Variants in GHR observed in about 807,000 individuals in gnomAD.
The protein encoded by GHR is growth hormone receptor.
A neutral mutation model predicts 67.1 loss-of-function variants in GHR; 35 were observed. The ratio of observed to expected loss-of-function variants is 0.52; its 90% CI spans 0.40 to 0.69. The LOEUF (loss-of-function observed/expected upper bound fraction) is 0.69, where lower values mean the gene tolerates loss of function less well. Among genes scored for constraint, GHR ranks in the 30% least tolerant of loss-of-function variants. The pLI, the probability that GHR is intolerant of heterozygous loss-of-function variation, is 0.00. For missense variants in GHR, 792 were observed against 764.6 expected (o/e 1.04, Z -0.42); for synonymous variants, 272 against 269.1 (o/e 1.01, Z -0.10).
At chr5:42,626,152 A>G (rs1753691259) in intron 2 of GHR, among the ~76,000 whole-genome samples, 1 of 152,180 alleles carries the variant, frequency 6.6e-6, no homozygotes, top group South Asian at 2.1e-4. Flanking sequence ...TCAGTGGGAC[A>G]CCAACTGGGT....
chr5:42,663,480 C>A (rs528973127), intron 3 of GHR, among the ~76,000 whole-genome samples: 2 of 152,238 alleles, frequency 1.3e-5, no homozygotes, highest in Admixed American at 6.5e-5. Context: ...ATAAACAGAA[C>A]CAAAGACAAA....
At position 42,720,418 on chromosome 5, in the gene GHR, G is replaced by A. The variant is rs1758963057; in HGVS notation, c.*994G>A. 1 of 152,176 alleles carries A rather than the reference G, an allele frequency of 6.6e-6. No homozygotes were observed. Among genetic ancestry groups the A allele is most frequent in the East Asian group, 1.9e-4 (1 of 5,188 alleles). The allele number at this position is 152,176 out of a possible 1,614,324, so 9.4% of individuals were successfully genotyped here. A position where few individuals can be genotyped will look rare whatever the true frequency, so the allele number is the denominator to read the frequency against. On this transcript the variant is annotated 3_prime_UTR_variant, in exon 10 of 10. Coordinates refer to ENST00000230882, the MANE Select transcript of GHR (RefSeq NM_000163.5). ...AGATACTTAAGTGCTGCAATTGCAC[G>A]CGGAGTGAGTTTTTTAGTGCGTGCA...
At chr5:42,490,305 A>T (rs1195533393) in intron 1 of GHR, among the ~76,000 whole-genome samples, 1 of 152,206 alleles carries the variant, frequency 6.6e-6, no homozygotes, top group African/African-American at 2.4e-5. Flanking sequence ...GCATAGAGAG[A>T]TTGCACTAAT....
chr5:42,625,079 C>T (rs1323315982), intron 2 of GHR, among the ~76,000 whole-genome samples: 1 of 152,004 alleles, frequency 6.6e-6, no homozygotes, highest in Non-Finnish European at 1.5e-5. Context: ...AAAAGAAACA[C>T]TTTCACAGCT....
intron 1 of GHR, among the ~76,000 whole-genome samples, chr5:42,469,145 G>A (rs1744884687): frequency 6.6e-6 from 1 of 152,214 alleles, no homozygotes; most frequent in African/African-American, 2.4e-5. Flanking sequence ...GGAAACTTGA[G>A]ACAAGACCCT....
intron 3 of GHR, among the ~76,000 whole-genome samples, chr5:42,631,902 C>T: frequency 6.6e-6 from 1 of 151,942 alleles, no homozygotes; most frequent in East Asian, 1.9e-4. Flanking sequence ...TCCAAGAAGC[C>T]CAAACATTGT....
intron 2 of GHR, among the ~76,000 whole-genome samples, chr5:42,612,344 A>C (rs573953998): frequency 6.6e-6 from 1 of 152,318 alleles, no homozygotes; most frequent in African/African-American, 2.4e-5. Flanking sequence ...AGGATGTTAT[A>C]AGTTTAGCAT....
At chr5:42,451,394 CTT>C (rs558843340) in intron 1 of GHR, among the ~76,000 whole-genome samples, 1 of 146,488 alleles carries the variant, frequency 6.8e-6, no homozygotes, top group African/African-American at 2.5e-5. Flanking sequence ...CCCTCTTTGT[CTT>C]TTTTTTTTTC....
intron 1 of GHR, among the ~76,000 whole-genome samples, chr5:42,478,199 T>C (rs561535906): frequency 6.6e-6 from 1 of 152,330 alleles, no homozygotes; most frequent in South Asian, 2.1e-4. Flanking sequence ...GTTGTAGATA[T>C]GCGGCATTAT....
At chr5:42,653,056 G>A (rs1386227276) in intron 3 of GHR, among the ~76,000 whole-genome samples, 1 of 152,108 alleles carries the variant, frequency 6.6e-6, no homozygotes, top group Non-Finnish European at 1.5e-5. Context: ...CTGTGGTTAG[G>A]AGAATTGAGC....
intron 3 of GHR, among the ~76,000 whole-genome samples, chr5:42,645,558 C>A (rs1754688110): frequency 6.6e-6 from 1 of 152,164 alleles, no homozygotes; most frequent in Admixed American, 6.5e-5. Flanking sequence ...TTTGTTTCTG[C>A]CTTCTAATTC....
At chr5:42,458,358 T>C (rs1253379469) in intron 1 of GHR, among the ~76,000 whole-genome samples, 3 of 151,994 alleles carry the variant, frequency 2.0e-5, no homozygotes, top group African/African-American at 4.8e-5. Context: ...TTGATAAAGT[T>C]GACAAAAACA....
chr5:42,468,785 A>G (rs942086838), intron 1 of GHR: 3 of 1,093,552 alleles, frequency 2.7e-6, no homozygotes, highest in African/African-American at 3.2e-5. Flanking sequence ...AGCACCTCGA[A>G]GGGGTCCGAT....
intron 1 of GHR, among the ~76,000 whole-genome samples, chr5:42,478,972 A>C (rs1475286526): frequency 2.0e-5 from 3 of 152,200 alleles, no homozygotes; most frequent in East Asian, 1.9e-4. Flanking sequence ...CCGTTTTCAA[A>C]GGGAATGTTT....
intron 1 of GHR, among the ~76,000 whole-genome samples, chr5:42,527,770 C>T (rs1488088485): frequency 2.0e-5 from 3 of 152,156 alleles, no homozygotes; most frequent in African/African-American, 4.8e-5. Context: ...CTCATCACCA[C>T]GTGGCACATA....
At chr5:42,441,578 T>A (rs1743574661) in intron 1 of GHR, among the ~76,000 whole-genome samples, 2 of 152,066 alleles carry the variant, frequency 1.3e-5, no homozygotes, top group Non-Finnish European at 2.9e-5. Flanking sequence ...GGCACGATCT[T>A]GGCTCACTGC....
chr5:42,457,587 A>G (rs1744314030), intron 1 of GHR, among the ~76,000 whole-genome samples: 1 of 152,216 alleles, frequency 6.6e-6, no homozygotes. Flanking sequence ...AGGGGAAGTG[A>G]GATACATTAA....
At chr5:42,487,740 A>G (rs938144448) in intron 1 of GHR, among the ~76,000 whole-genome samples, 1 of 152,202 alleles carries the variant, frequency 6.6e-6, no homozygotes, top group Admixed American at 6.5e-5. Context: ...CTACTGAGAG[A>G]TTATATTCAT....
intron 1 of GHR, among the ~76,000 whole-genome samples, chr5:42,520,433 T>C (rs1747423843): frequency 6.6e-6 from 1 of 152,158 alleles, no homozygotes; most frequent in Admixed American, 6.5e-5. Flanking sequence ...TTAGTTGCAA[T>C]GCCTTTTATA....
Sources: allele counts gnomAD v4.1 joint callset (sites outside exome capture counted in the v4.1 genomes callset), GRCh38; gene constraint gnomAD v4.1.1; transcripts MANE v1.5; gene names NCBI Gene and HGNC (gene_info 2026-07-23, HGNC 2026-07-21).